Variants in C1D observed in about 807,000 individuals in gnomAD.
C1D encodes the protein nuclear nucleic acid-binding protein C1D.
C1D carries 10 observed loss-of-function variants against 17.5 expected under a neutral mutation model. That is an observed-to-expected ratio of 0.57 (90% confidence interval 0.35 to 0.97). The LOEUF (loss-of-function observed/expected upper bound fraction) is 0.97, where lower values mean the gene tolerates loss of function less well. Ranked by LOEUF, C1D falls within the 50% of genes least tolerant of loss-of-function variation. C1D has a pLI of 0.01. For synonymous variants in C1D, 49 were observed against 54.0 expected, an observed-to-expected ratio of 0.91 and a Z score of 0.40; for missense variants, 136 against 160.1, an observed-to-expected ratio of 0.85 and a Z score of 0.81.
At chr2:68,055,182 T>C (rs1671404614) in intron 1 of C1D, among the ~76,000 whole-genome samples, 1 of 152,050 alleles carries the variant, frequency 6.6e-6, no homozygotes. Flanking sequence ...AATGAAATTG[T>C]AGGTTTAGTC....
chr2:68,045,890 C>T (rs1333708148), intron 4 of C1D, 98 bp downstream of exon 4: 14 of 826,922 alleles, frequency 1.7e-5, no homozygotes, highest in Admixed American at 3.3e-5. Context: ...AATTTCAACT[C>T]GAATTCTGTT....
At chr2:68,061,457 T>C (rs1232587587) in intron 1 of C1D, among the ~76,000 whole-genome samples, 2 of 152,212 alleles carry the variant, frequency 1.3e-5, no homozygotes, top group Non-Finnish European at 2.9e-5. Flanking sequence ...AGATGAACAA[T>C]TACATTAAAT....
Position 68,046,409 on chromosome 2 carries a change from A to C in C1D, c.140T>G (p.Leu47Trp), listed in dbSNP as rs1487898994. 2 of 1,606,690 alleles carry C rather than the reference A, an allele frequency of 1.2e-6. No individual in the cohort carries two copies. The highest frequency in any genetic ancestry group is 8.5e-7 in the Non-Finnish European group (1 of 1,174,820). ...SVSRNELLQK[L>W]DPLEQAKVDL... The stretch of plus-strand genomic sequence containing the variant: ...CACTTTTGCTTGTTCAAGTGGATCC[A>C]ACTGTTAAAAAAGAAAGAGAGAGGG... Residue 47 changes from leucine (L) to tryptophan (W), a missense_variant and splice_region_variant, in exon 3 of 5, where the codon TTG becomes TGG. Physicochemically the swap from Leu to Trp is moderately conservative, Grantham distance 61 (BLOSUM62 -2). Transcript: ENST00000410067.
intron 1 of C1D, among the ~76,000 whole-genome samples, chr2:68,054,634 TG>T (rs1267098409): frequency 2.0e-5 from 3 of 152,182 alleles, no homozygotes; most frequent in African/African-American, 7.2e-5. Context: ...ACTAAATATC[TG>T]GGGGCTACAG....
intron 1 of C1D, among the ~76,000 whole-genome samples, chr2:68,052,788 T>A (rs541614927): frequency 1.3e-5 from 2 of 152,328 alleles, no homozygotes; most frequent in South Asian, 4.1e-4. Context: ...CACTTTATTA[T>A]AGGCAGCTGC....
chr2:68,053,915 T>C (rs1671357435), intron 1 of C1D, among the ~76,000 whole-genome samples: 1 of 151,996 alleles, frequency 6.6e-6, no homozygotes, highest in Admixed American at 6.6e-5. Context: ...CAGTGAAGAC[T>C]TCTCTGCATG....
chr2:68,054,095 G>A (rs1324588605), intron 1 of C1D, among the ~76,000 whole-genome samples: 2 of 152,188 alleles, frequency 1.3e-5, no homozygotes, highest in South Asian at 2.1e-4. Context: ...GACACACAAG[G>A]TGACTATAAC....
In C1D at chr2:68,041,898, C is replaced by G. The variant is rs1670967383; in HGVS notation, c.*991G>C. 6.6e-6 allele frequency: 1 copy of G among 152,036 alleles called. No individual in the cohort carries two copies. The highest frequency in any genetic ancestry group is 1.5e-5 in the Non-Finnish European group (1 of 67,898). The allele number at this position is 152,036 out of a possible 1,614,324, so 9.4% of individuals were successfully genotyped here. ...AAAAAAAGGTTTACTATGTAGTACT[C>G]TCTGTAACTAATATTCCAGAAAAAT... On this transcript the variant is annotated 3_prime_UTR_variant, in exon 5 of 5. Transcript: ENST00000410067.
intron 4 of C1D, among the ~76,000 whole-genome samples, chr2:68,045,116 G>C (rs988996367): frequency 6.6e-6 from 1 of 152,004 alleles, no homozygotes; most frequent in Non-Finnish European, 1.5e-5. Flanking sequence ...ACTACATGTT[G>C]AAAAACTGAA....
chr2:68,054,979 T>TTTA (rs1553390033), intron 1 of C1D, among the ~76,000 whole-genome samples: 1 of 137,490 alleles, frequency 7.3e-6, no homozygotes, highest in African/African-American at 2.7e-5. Flanking sequence ...CTTTTTTTTT[T>TTTA]AAAAAAAAAA....
At position 68,047,159 on chromosome 2, in the gene C1D, C is replaced by T; in HGVS notation, c.138+14G>A. ...TATGAAATTCATTTTTAGGAAATTA[C>T]ATTTTTAAAATACCTTCTGCAACAA... On this transcript the variant is annotated intron_variant, in intron 2 of 4. Coordinates refer to ENST00000410067, the MANE Select transcript of C1D (RefSeq NM_173177.3). 1 of 1,589,914 alleles carries T rather than the reference C, an allele frequency of 6.3e-7. No homozygotes were observed. Among genetic ancestry groups the T allele is most frequent in the African/African-American group, 1.4e-5 (1 of 73,546 alleles).
At position 68,047,194 on chromosome 2, in the gene C1D, A is replaced by C; in HGVS notation, c.117T>G (p.Ser39=). 1 of 1,606,360 alleles carries C rather than the reference A, an allele frequency of 6.2e-7. No individual in the cohort carries two copies. Among genetic ancestry groups the C allele is most frequent in the Non-Finnish European group, 8.5e-7 (1 of 1,178,158 alleles). Residue 39 remains serine (S), a synonymous_variant, in exon 2 of 5, where the codon TCT becomes TCG. Coordinates refer to ENST00000410067, the MANE Select transcript of C1D (RefSeq NM_173177.3). ...ATACCTTCTGCAACAACTCATTTCT[A>C]GAAACAGACATCATGGTCTTCAGCA... The part of the protein sequence containing the change: ...DEMLKTMMSV[S]RNELLQKLDP...
intron 1 of C1D, among the ~76,000 whole-genome samples, chr2:68,061,743 C>T (rs1212093566): frequency 2.0e-5 from 3 of 152,160 alleles, no homozygotes; most frequent in Non-Finnish European, 4.4e-5. Context: ...TAGAGCCATG[C>T]TTGAAGGGTC....
chr2:68,059,980 T>C (rs963639983), intron 1 of C1D, among the ~76,000 whole-genome samples: 1 of 152,182 alleles, frequency 6.6e-6, no homozygotes, highest in Non-Finnish European at 1.5e-5. Flanking sequence ...TCCACTTAGA[T>C]GACTAACAGA....
Position 68,056,042 on chromosome 2 carries a change from C to T in C1D, c.-10+6916G>A, listed in dbSNP as rs1671430209. ...CACTACATCTGTGATAGTTGCTGAA[C>T]ATATAGTCTCAAATGAAGTTTGTAT... is the stretch of plus-strand genomic sequence containing the variant. On this transcript the variant is annotated intron_variant, in intron 1 of 4. Coordinates refer to ENST00000410067, the MANE Select transcript of C1D (RefSeq NM_173177.3). 3.3e-5 allele frequency among the ~76,000 whole-genome samples: 5 copies of T among 152,140 alleles called. No homozygotes were observed. The South Asian group carries it at 1.0e-3, about 32-fold the overall frequency.
At position 68,042,828 on chromosome 2, in the gene C1D, CGGGGGGGGGGGGG is replaced by C. The variant is rs200836844; in HGVS notation, c.*48_*60del. The C allele has an allele frequency of 3.9e-3, 807 of 206,216 alleles. 196 individuals carry two copies. Among genetic ancestry groups the C allele is most frequent in the Middle Eastern group, 9.1e-3 (7 of 768 alleles). 12.8% of individuals were successfully genotyped at this position (206,216 alleles called of 1,614,324 possible). On this transcript the variant is annotated 3_prime_UTR_variant, in exon 5 of 5. Transcript: ENST00000410067. ...CTTGCCCTGCCACAGAATTATTTTG[CGGGGGGGGGGGGG>C]GGGGGGAAGATGTACTTTTTGAATA...
intron 1 of C1D, among the ~76,000 whole-genome samples, chr2:68,049,014 T>A (rs1387103613): frequency 6.6e-6 from 1 of 151,896 alleles, no homozygotes; most frequent in South Asian, 2.1e-4. Flanking sequence ...CTGGCCAACA[T>A]AGTGAAACCC....
intron 1 of C1D, among the ~76,000 whole-genome samples, chr2:68,056,788 A>C (rs186595121): frequency 6.6e-6 from 1 of 152,360 alleles, no homozygotes; most frequent in Admixed American, 6.5e-5. Flanking sequence ...AGGTGAGCTG[A>C]GAACAGCCTC....
At position 68,058,444 on chromosome 2, in the gene C1D, CAG is replaced by C. The variant is rs1163517221; in HGVS notation, c.-10+4512_-10+4513del. ...GCTTCCTCAAGAAAGCACTCGATGA[CAG>C]AGATGAATTAAGCAGACAAAAACTG... On this transcript the variant is annotated intron_variant, in intron 1 of 4. Transcript: ENST00000410067. Among the ~76,000 whole-genome samples the C allele has an allele frequency of 2.6e-5, 4 of 152,322 alleles. No homozygotes were observed. The East Asian group carries it at 7.7e-4, about 29-fold the overall frequency.
Sources: allele counts gnomAD v4.1 joint callset (sites outside exome capture counted in the v4.1 genomes callset), GRCh38; gene constraint gnomAD v4.1.1; transcripts MANE v1.5; gene names NCBI Gene and HGNC (gene_info 2026-07-23, HGNC 2026-07-21).